Variants in SLC25A36 observed in about 807,000 individuals in gnomAD.
The protein encoded by SLC25A36 is solute carrier family 25 member 36.
Under a neutral mutation model 35.3 loss-of-function variants are expected in SLC25A36, and 24 were observed. The ratio of observed to expected loss-of-function variants is 0.68; its 90% CI spans 0.49 to 0.96. The LOEUF (loss-of-function observed/expected upper bound fraction) is 0.96. Among genes scored for constraint, SLC25A36 ranks in the 40% least tolerant of loss-of-function variants. The pLI, the probability that SLC25A36 is intolerant of heterozygous loss-of-function variation, is 0.00. For missense variants in SLC25A36, 294 were observed against 381.1 expected (o/e 0.77, Z 1.90); for synonymous variants, 141 against 132.2 (o/e 1.07, Z -0.46).
At position 140,973,841 on chromosome 3, in the gene SLC25A36, A is replaced by G; in HGVS notation, c.578A>G (p.His193Arg). The G allele has an allele frequency of 6.2e-7, 1 of 1,613,478 alleles. No homozygotes were observed. The highest frequency in any genetic ancestry group is 1.1e-5 in the South Asian group (1 of 91,056). ...SYAGISETVI[H>R]FVIYESIKQK... ...GCTGGTATATCAGAGACTGTTATCC[A>G]TTTTGTTATTTATGAAAGTATAAAA... The change falls in exon 6 of 7, where the codon CAT becomes CGT. Residue 193 changes from histidine to arginine, a missense_variant. Coordinates refer to ENST00000324194, the MANE Select transcript of SLC25A36 (RefSeq NM_001104647.3).
intron 5 of SLC25A36, among the ~76,000 whole-genome samples, chr3:140,972,478 T>C (rs1173402133): frequency 1.3e-5 from 2 of 151,714 alleles, no homozygotes; most frequent in South Asian, 2.1e-4. Context: ...CTGGGCAACA[T>C]TGCAAGACTT....
chr3:140,956,705 A>T lies in SLC25A36; in HGVS notation c.206+14A>T, dbSNP rs1934489619. 1.3e-6 allele frequency: 2 copies of T among 1,570,068 alleles called. No individual in the cohort carries two copies. Among genetic ancestry groups the T allele is most frequent in the African/African-American group, 1.4e-5 (1 of 73,052 alleles). ...TCATTGCCTAAAGTGAGAGCATAGTATTCAGGAGTGTTTTTTAGTTTGTTT... is the reference window on the plus strand; with the variant it reads ...TCATTGCCTAAAGTGAGAGCATAGTTTTCAGGAGTGTTTTTTAGTTTGTTT... On this transcript the variant is annotated intron_variant, in intron 2 of 6. Transcript: ENST00000324194.
chr3:140,954,907 T>G (rs1934436828), intron 1 of SLC25A36, among the ~76,000 whole-genome samples: 1 of 152,186 alleles, frequency 6.6e-6, no homozygotes, highest in Admixed American at 6.5e-5. Flanking sequence ...ATAAGAAGTC[T>G]GTGCCTAACG....
chr3:140,966,850 T>G (rs1934772643), intron 4 of SLC25A36: 2 of 441,658 alleles, frequency 4.5e-6, no homozygotes, highest in Non-Finnish European at 9.3e-6. Context: ...CTCAAATCCT[T>G]CCAATAGGAT....
intron 1 of SLC25A36, among the ~76,000 whole-genome samples, chr3:140,947,321 T>A (rs1041776880): frequency 6.6e-6 from 1 of 152,136 alleles, no homozygotes; most frequent in African/African-American, 2.4e-5. Context: ...AGGGGGAAAT[T>A]TACTTTTACT....
At chr3:140,948,416 T>A (rs1011269739) in intron 1 of SLC25A36, among the ~76,000 whole-genome samples, 3 of 150,902 alleles carry the variant, frequency 2.0e-5, no homozygotes, top group African/African-American at 2.4e-5. Context: ...TCTCCTGACC[T>A]CATGATCTGC....
At chr3:140,958,871 G>A (rs1216035414) in intron 2 of SLC25A36, among the ~76,000 whole-genome samples, 1 of 151,230 alleles carries the variant, frequency 6.6e-6, no homozygotes, top group East Asian at 1.9e-4. Flanking sequence ...AATCTTTCAG[G>A]AAAGAATCTG....
chr3:140,943,962 C>T (rs946493966), intron 1 of SLC25A36, among the ~76,000 whole-genome samples: 1 of 143,772 alleles, frequency 7.0e-6, no homozygotes, highest in African/African-American at 2.9e-5. Flanking sequence ...TCCCCTCCCC[C>T]CCAGTCTAGC....
chr3:140,956,848 A>C (rs1934493673), intron 2 of SLC25A36, 157 bp downstream of exon 2: 1 of 1,209,104 alleles, frequency 8.3e-7, no homozygotes, highest in Non-Finnish European at 1.1e-6. Flanking sequence ...ATAATCCCTA[A>C]TGGAGAAGAA....
rs1174419714 is a variant in SLC25A36 at position 140,976,447 on chromosome 3, T to A, written c.930T>A (p.Asn310Lys). Residue 310 changes from asparagine (N) to lysine (K), a missense_variant, in exon 7 of 7, where the codon AAT becomes AAA. Physicochemically the swap from Asn to Lys is moderately conservative, Grantham distance 94 (BLOSUM62 0). Coordinates refer to ENST00000324194, the MANE Select transcript of SLC25A36 (RefSeq NM_001104647.3). ...ATGAATTGGTGGTTTACCTACTCAA[T>A]GGATAGCAGCACGAGGACTGCTGTA... ...ATYELVVYLL[N>K]G The A allele has an allele frequency of 4.3e-6, 7 of 1,610,836 alleles. No homozygotes were observed. Among genetic ancestry groups the A allele is most frequent in the Non-Finnish European group, 5.9e-6 (7 of 1,178,924 alleles).
rs1293366510 is a variant in SLC25A36, at chr3:140,948,197, C to T, written c.41+6102C>T. On this transcript the variant is annotated intron_variant, in intron 1 of 6. Coordinates refer to ENST00000324194, the MANE Select transcript of SLC25A36 (RefSeq NM_001104647.3). Reference sequence around the variant, plus strand: ...CTTGAGCTCCTGACCTCAGGCGATCCACCCACCTTGGCCTCCCAAAGTGCT... The same window carrying T: ...CTTGAGCTCCTGACCTCAGGCGATCTACCCACCTTGGCCTCCCAAAGTGCT... 2.0e-5 allele frequency among the ~76,000 whole-genome samples: 3 copies of T among 152,360 alleles called. No homozygotes were observed. In the East Asian group the frequency reaches 5.8e-4, roughly 29 times the overall value.
chr3:140,947,569 A>G (rs1375093154), intron 1 of SLC25A36, among the ~76,000 whole-genome samples: 3 of 152,002 alleles, frequency 2.0e-5, no homozygotes, highest in East Asian at 1.9e-4. Context: ...AATAGTAAAG[A>G]CTCTACAACT....
intron 4 of SLC25A36, chr3:140,964,379 A>G (rs1274954611): frequency 6.6e-6 from 1 of 151,934 alleles, no homozygotes; most frequent in East Asian, 1.9e-4. Context: ...CCAATAAGGA[A>G]ACCTTGGGCA....
intron 3 of SLC25A36, among the ~76,000 whole-genome samples, chr3:140,960,266 A>G (rs975804850): frequency 6.6e-6 from 1 of 152,182 alleles, no homozygotes; most frequent in Admixed American, 6.5e-5. Context: ...AGTGTTTGCT[A>G]GATTTGTGAG....
chr3:140,954,144 G>A (rs1934411763), intron 1 of SLC25A36, among the ~76,000 whole-genome samples: 1 of 152,028 alleles, frequency 6.6e-6, no homozygotes, highest in Non-Finnish European at 1.5e-5. Flanking sequence ...TTAACGAGGG[G>A]GATAATTTTT....
chr3:140,951,082 A>G (rs1934311598), intron 1 of SLC25A36, among the ~76,000 whole-genome samples: 1 of 152,142 alleles, frequency 6.6e-6, no homozygotes, highest in East Asian at 1.9e-4. Flanking sequence ...TTCTGCAGGG[A>G]AAAACTGCTG....
intron 5 of SLC25A36, 22 bp downstream of exon 5, chr3:140,971,015 A>C: frequency 9.3e-7 from 1 of 1,077,982 alleles, no homozygotes; most frequent in Non-Finnish European, 1.4e-6. Context: ...CCTTAAAATA[A>C]AATTGGTTAA....
At chr3:140,968,817 A>G in intron 4 of SLC25A36, 5 of 573,828 alleles carry the variant, frequency 8.7e-6, no homozygotes, top group Middle Eastern at 8.8e-4. Flanking sequence ...TCAAATAAGT[A>G]TAATAAGATG....
chr3:140,968,278 A>C, intron 4 of SLC25A36: 1 of 839,234 alleles, frequency 1.2e-6, no homozygotes, highest in Non-Finnish European at 1.4e-6. Flanking sequence ...GTAAAGGGCT[A>C]ATAGCTAAAA....
Sources: gnomAD v4.1 joint callset for allele counts (sites outside exome capture counted in the v4.1 genomes callset) on GRCh38, gnomAD v4.1.1 for gene constraint, MANE v1.5 for transcripts, NCBI Gene and HGNC (gene_info 2026-07-23, HGNC 2026-07-21) for gene names.